HIVEP3: variants seen among roughly 807,000 people sequenced by gnomAD.
HIVEP3 encodes HIVEP zinc finger 3.
HIVEP3 carries 49 observed loss-of-function variants against 152.8 expected under a neutral mutation model. The observed-to-expected ratio is 0.32, with a 90% CI of 0.26 to 0.41. The LOEUF (loss-of-function observed/expected upper bound fraction) is 0.41. Ranked by LOEUF, HIVEP3 falls within the 10% of genes least tolerant of loss-of-function variation. The pLI, the probability that HIVEP3 is intolerant of heterozygous loss-of-function variation, is 1.00. For synonymous variants in HIVEP3, 1,269 were observed against 1,289.0 expected (o/e 0.98, Z 0.33); for missense variants, 2,790 against 3,103.3 (o/e 0.90, Z 2.40).
At chr1:41,637,111 C>T (rs930948177) in intron 2 of HIVEP3, among the ~76,000 whole-genome samples, 16 of 152,168 alleles carry the variant, frequency 1.1e-4, no homozygotes, top group South Asian at 1.0e-3. Context: ...ATCTTTTAAC[C>T]GTGTCTACCA....
chr1:41,830,738 C>T (rs143355240), intron 1 of HIVEP3, among the ~76,000 whole-genome samples: 8 of 152,262 alleles, frequency 5.3e-5, no homozygotes, highest in African/African-American at 1.9e-4. Context: ...TTTTCCCTCT[C>T]CCCCACCCTG....
intron 1 of HIVEP3, among the ~76,000 whole-genome samples, chr1:41,937,700 T>C (rs1186142997): frequency 1.3e-5 from 2 of 152,224 alleles, no homozygotes; most frequent in Non-Finnish European, 2.9e-5. Flanking sequence ...CATTGAACCA[T>C]TGGTACAGCC....
intron 1 of HIVEP3, among the ~76,000 whole-genome samples, chr1:41,789,386 T>TG (rs1169156907): frequency 6.6e-6 from 1 of 152,236 alleles, no homozygotes; most frequent in Admixed American, 6.5e-5. Flanking sequence ...AGGCATGAGT[T>TG]CAACGTTTGT....
intron 1 of HIVEP3, among the ~76,000 whole-genome samples, chr1:41,710,281 TAA>T (rs965873402): frequency 1.3e-5 from 2 of 152,134 alleles, no homozygotes; most frequent in African/African-American, 4.8e-5. Context: ...AGAAAGATTC[TAA>T]AAGTGTACCC....
chr1:41,670,313 G>T (rs1645855342), intron 2 of HIVEP3, among the ~76,000 whole-genome samples: 1 of 152,180 alleles, frequency 6.6e-6, no homozygotes, highest in Non-Finnish European at 1.5e-5. Flanking sequence ...GGACCTAGAA[G>T]CAGTTCCAGC....
intron 1 of HIVEP3, among the ~76,000 whole-genome samples, chr1:41,761,266 G>C (rs927616972): frequency 6.6e-6 from 1 of 152,204 alleles, no homozygotes; most frequent in Admixed American, 6.5e-5. Context: ...GCATGTGCAT[G>C]TGTATGCCTG....
At chr1:41,842,316 A>C (rs1359195942) in intron 1 of HIVEP3, among the ~76,000 whole-genome samples, 2 of 152,134 alleles carry the variant, frequency 1.3e-5, no homozygotes, top group Non-Finnish European at 2.9e-5. Flanking sequence ...CCCAGAAAAG[A>C]TTGAGCCTGA....
chr1:41,592,212 C>G (rs1644598311), intron 3 of HIVEP3, among the ~76,000 whole-genome samples: 1 of 152,176 alleles, frequency 6.6e-6, no homozygotes, highest in Non-Finnish European at 1.5e-5. Context: ...CTGGAGTCAC[C>G]TTGGCTGCCA....
At chr1:41,652,177 T>G (rs1378704266) in intron 2 of HIVEP3, among the ~76,000 whole-genome samples, 2 of 152,216 alleles carry the variant, frequency 1.3e-5, no homozygotes, top group Middle Eastern at 3.2e-3. Context: ...CGCCAGAGTC[T>G]GAAGGACTAG....
chr1:41,872,052 C>T (rs890648551), intron 1 of HIVEP3, among the ~76,000 whole-genome samples: 2 of 152,160 alleles, frequency 1.3e-5, no homozygotes, highest in African/African-American at 4.8e-5. Context: ...AACCACTACC[C>T]TAATCAAGAT....
rs74069942 is a variant in HIVEP3, at chr1:41,598,501, C to T, written c.-521-13183G>A. Reference sequence around the variant, plus strand: ...GAGTGTAGTCCAACAGAAGAGGTGGCGACTGCCTGTGGCTTCTGTCATTCT... The same window carrying T: ...GAGTGTAGTCCAACAGAAGAGGTGGTGACTGCCTGTGGCTTCTGTCATTCT... On this transcript the variant is annotated intron_variant, in intron 3 of 8. Transcript: ENST00000372583. 1.2e-3 allele frequency among the ~76,000 whole-genome samples: 187 copies of T among 152,274 alleles called. 1 individual carries two copies. Among genetic ancestry groups the T allele is most frequent in the African/African-American group, 3.9e-3 (163 of 41,558 alleles).
At chr1:41,881,370 T>C (rs1240758071) in intron 1 of HIVEP3, among the ~76,000 whole-genome samples, 1 of 152,230 alleles carries the variant, frequency 6.6e-6, no homozygotes, top group East Asian at 1.9e-4. Context: ...GTTGCCATAA[T>C]TTGGGTCATA....
intron 1 of HIVEP3, among the ~76,000 whole-genome samples, chr1:41,914,986 T>C (rs1269140784): frequency 6.6e-6 from 1 of 152,250 alleles, no homozygotes; most frequent in South Asian, 2.1e-4. Context: ...AGTTCCCTGA[T>C]AAATTTTGAC....
rs1234765228 is a variant in HIVEP3 at position 41,512,941 on chromosome 1, G to A, written c.6280C>T (p.Pro2094Ser). 3 of 1,605,594 alleles carry A rather than the reference G, an allele frequency of 1.9e-6. No homozygotes were observed. The highest frequency in any genetic ancestry group is 1.1e-5 in the South Asian group (1 of 90,052). The change falls in exon 8 of 9, where the codon CCG (proline) becomes TCG (serine). Residue 2094 changes from proline (P) to serine (S), a missense_variant. Around this residue, in one of 9 missense-constraint regions of HIVEP3, gnomAD observed 816 missense variants for 806.5 expected, o/e 1.01. Coordinates refer to ENST00000372583, the MANE Select transcript of HIVEP3 (RefSeq NM_024503.5). ...APPGKWALAG[P>S]GSPSAGEHGP... The stretch of plus-strand genomic sequence containing the variant: ...TGCTCCCCCGCTGAGGGGCTGCCCG[G>A]CCCAGCCAAGGCCCACTTCCCTGGC...
intron 1 of HIVEP3, among the ~76,000 whole-genome samples, chr1:41,729,236 C>CCCTTTCCCTG (rs1303957842): frequency 2.0e-5 from 3 of 152,194 alleles, no homozygotes; most frequent in African/African-American, 7.2e-5. Context: ...AACCGGCAGC[C>CCCTTTCCCTG]CCTTTCCCTG....
intron 2 of HIVEP3, among the ~76,000 whole-genome samples, chr1:41,696,750 T>A (rs573607386): frequency 3.2e-4 from 48 of 148,224 alleles, no homozygotes; most frequent in South Asian, 8.5e-4. Flanking sequence ...AATCCTAATT[T>A]AAAAAAAAAA....
intron 1 of HIVEP3, among the ~76,000 whole-genome samples, chr1:41,974,071 A>C (rs771328788): frequency 1.3e-5 from 2 of 152,206 alleles, no homozygotes; most frequent in Non-Finnish European, 2.9e-5. Context: ...CAGCCTCTTA[A>C]GAAGAGATTC....
At chr1:41,682,087 C>T (rs909077976) in intron 2 of HIVEP3, among the ~76,000 whole-genome samples, 1 of 152,188 alleles carries the variant, frequency 6.6e-6, no homozygotes, top group Non-Finnish European at 1.5e-5. Flanking sequence ...TACCTCTCAA[C>T]TCCTCTCTGT....
intron 1 of HIVEP3, among the ~76,000 whole-genome samples, chr1:41,840,422 A>G (rs973770247): frequency 1.3e-5 from 2 of 152,142 alleles, no homozygotes; most frequent in Non-Finnish European, 2.9e-5. Context: ...GTCACTAAGG[A>G]TTGCCAGCAA....
Sources: gnomAD v4.1 joint callset for allele counts (sites outside exome capture counted in the v4.1 genomes callset) on GRCh38, gnomAD v4.1.1 for gene constraint, gnomAD v4.1.1 regional missense constraint, MANE v1.5 for transcripts, NCBI Gene and HGNC (gene_info 2026-07-23, HGNC 2026-07-21) for gene names.